The following USE1 variants were observed in gnomAD, a reference collection of about 807,000 sequenced individuals.
The protein encoded by USE1 is vesicle transport protein USE1.
Under a neutral mutation model 37.6 loss-of-function variants are expected in USE1, and 32 were observed. The ratio of observed to expected loss-of-function variants is 0.85; its 90% CI spans 0.64 to 1.14. The LOEUF (loss-of-function observed/expected upper bound fraction) is 1.14, where lower values mean the gene tolerates loss of function less well. Ranked by LOEUF, USE1 falls within the 50% of genes most tolerant of loss-of-function variation. The pLI is 0.00. For missense variants in USE1, 310 were observed against 332.2 expected, an observed-to-expected ratio of 0.93 and a Z score of 0.52; for synonymous variants, 149 against 137.6, an observed-to-expected ratio of 1.08 and a Z score of -0.58.
rs764471583 is a variant in USE1 at position 17,216,271 on chromosome 19, C to T, written c.334C>T (p.Gln112Ter). Residue 112 changes from glutamine to a stop codon, truncating the protein, a stop_gained, in exon 4 of 8, where the codon CAG becomes TAG. Transcript: ENST00000263897. LOFTEE classifies it high-confidence loss of function. The part of the protein sequence containing the change: ...RVPATKTVHL[Q>*]SRARYTSEMR... ...GCCCGCCACAAAGACGGTGCATCTG[C>T]AGTCACGGGCGCGGTACACCAGCGA... 2 of 1,613,126 alleles carry T rather than the reference C, an allele frequency of 1.2e-6. No individual in the cohort carries two copies. The highest frequency in any genetic ancestry group is 1.7e-5 in the Admixed American group (1 of 60,018).
At position 17,219,393 on chromosome 19, in the gene USE1, G is replaced by A. The variant is rs747247320; in HGVS notation, c.597+6G>A. On this transcript the variant is annotated splice_donor_region_variant and intron_variant, in intron 7 of 7. Coordinates refer to ENST00000263897, the MANE Select transcript of USE1 (RefSeq NM_018467.4). ...TCATCAAGAAGGACAACCAGGTGTG[G>A]GGACTGGGGGAGCTCTCCAGCCTCT... The A allele has an allele frequency of 1.9e-6, 3 of 1,550,520 alleles. No individual in the cohort carries two copies. Among genetic ancestry groups the A allele is most frequent in the Non-Finnish European group, 2.6e-6 (3 of 1,145,810 alleles).
Position 17,219,383 on chromosome 19 carries a change from A to T in USE1, c.593A>T (p.Asn198Ile), listed in dbSNP as rs1232843737. The T allele has an allele frequency of 6.4e-7, 1 of 1,554,994 alleles. No homozygotes were observed. Among genetic ancestry groups the T allele is most frequent in the Non-Finnish European group, 8.7e-7 (1 of 1,148,780 alleles). ...GCCCAGAGTGTCATCAAGAAGGACAACCAGGTGTGGGGACTGGGGGAGCTC... is the reference window on the plus strand; with the variant it reads ...GCCCAGAGTGTCATCAAGAAGGACATCCAGGTGTGGGGACTGGGGGAGCTC... ...LAAQSVIKKD[N>I]QTLSHSLKMA... Residue 198 changes from asparagine (N) to isoleucine (I), a missense_variant, in exon 7 of 8, where the codon AAC becomes ATC. Asn to Ile is a moderately radical substitution (Grantham distance 149). Transcript: ENST00000263897.
chr19:17,219,126 C>CAA (rs71180373), intron 6 of USE1, 87 bp from the exon 7 acceptor site: 5,979 of 1,313,192 alleles, frequency 4.6e-3, no homozygotes, highest in East Asian at 0.015. Flanking sequence ...GACTCTGTAT[C>CAA]AAAAAAAAAA....
At position 17,215,357 on chromosome 19, in the gene USE1, C is replaced by T. The variant is rs774603766; in HGVS notation, c.-49C>T. ...AAGGCCACTTGAAGGCACTTCCGCCCTCTCTTAACATGGAGCCGGCGGAAG... is the reference window on the plus strand; with the variant it reads ...AAGGCCACTTGAAGGCACTTCCGCCTTCTCTTAACATGGAGCCGGCGGAAG... On this transcript the variant is annotated 5_prime_UTR_variant, in exon 1 of 8. Coordinates refer to ENST00000263897, the MANE Select transcript of USE1 (RefSeq NM_018467.4). 6.6e-6 allele frequency: 10 copies of T among 1,525,514 alleles called. No homozygotes were observed. Among genetic ancestry groups the T allele is most frequent in the South Asian group, 3.6e-5 (3 of 83,072 alleles). The allele number at this position is 1,525,514 out of a possible 1,614,324, so 94.5% of individuals were successfully genotyped here. A position where few individuals can be genotyped will look rare whatever the true frequency, so the allele number is the denominator to read the frequency against.
chr19:17,216,938 A>ATCT (rs2073294258), intron 4 of USE1, among the ~76,000 whole-genome samples: 1 of 151,728 alleles, frequency 6.6e-6, no homozygotes, highest in Non-Finnish European at 1.5e-5. Flanking sequence ...AGATCAAGCC[A>ATCT]TTGCACTCCA....
At position 17,216,055 on chromosome 19, in the gene USE1, G is replaced by A. The variant is rs2073288034; in HGVS notation, c.216G>A (p.Leu72=). 5 of 1,612,098 alleles carry A rather than the reference G, an allele frequency of 3.1e-6. No homozygotes were observed. The highest frequency in any genetic ancestry group is 4.2e-6 in the Non-Finnish European group (5 of 1,179,116). Residue 72 remains leucine, a synonymous_variant, in exon 3 of 8, where the codon CTG becomes CTA. Coordinates refer to ENST00000263897, the MANE Select transcript of USE1 (RefSeq NM_018467.4). ...SWKVDFLKGM[L]QAEKLTSSSE... ...AGGTGGATTTTCTGAAGGGGATGCT[G>A]CAAGCCGAGAAGCTGGTGAGAAGGG...
chr19:17,218,485 C>T, intron 6 of USE1, 94 bp downstream of exon 6: 1 of 1,531,864 alleles, frequency 6.5e-7, no homozygotes, highest in Non-Finnish European at 8.9e-7. Flanking sequence ...CGAGGCACTA[C>T]CACAAGGATC....
In USE1 at chr19:17,217,184, A is replaced by G. The variant is rs1381540904; in HGVS notation, c.385-269A>G. ...GAGATTCGCTCTTGTTGCCCAGGCT[A>G]GAGTGTGGTGGCGCGATCTCGGCTC... On this transcript the variant is annotated intron_variant, in intron 4 of 7. Transcript: ENST00000263897. Among the ~76,000 whole-genome samples the G allele has an allele frequency of 2.0e-5, 3 of 147,226 alleles. No homozygotes were observed. The South Asian group carries it at 6.6e-4, about 32-fold the overall frequency.
intron 6 of USE1, 159 bp downstream of exon 6, chr19:17,218,550 G>A: frequency 2.3e-6 from 2 of 875,848 alleles, no homozygotes; most frequent in Non-Finnish European, 3.4e-6. Flanking sequence ...CAAAGGCCAG[G>A]CGCAGTGGCT....
intron 5 of USE1, 58 bp downstream of exon 5, chr19:17,217,520 A>C: frequency 3.1e-6 from 5 of 1,597,908 alleles, no homozygotes; most frequent in Non-Finnish European, 3.4e-6. Flanking sequence ...CAAGACATGT[A>C]TCCTTGCTGC....
intron 5 of USE1, 28 bp from the exon 6 acceptor site, chr19:17,218,336 T>C (rs2145546035): frequency 2.5e-6 from 4 of 1,612,896 alleles, no homozygotes; most frequent in African/African-American, 1.3e-5. Flanking sequence ...AACACTCGCC[T>C]TTTTTGCTTG....
At position 17,215,624 on chromosome 19, in the gene USE1, G is replaced by GGTCA. The variant is rs1227306477; in HGVS notation, c.102+121_102+124dup. The stretch of plus-strand genomic sequence containing the variant: ...TAGCCTCTCGGGCAGCGCCCTTTCC[G>GGTCA]GTCAGTCCCGCCACGTCCACCTGTA... On this transcript the variant is annotated intron_variant, in intron 1 of 7. Transcript: ENST00000263897. 11 of 1,382,330 alleles carry GGTCA rather than the reference G, an allele frequency of 8.0e-6. No homozygotes were observed. The African/African-American group carries it at 1.6e-4, about 20-fold the overall frequency. The allele number at this position is 1,382,330 out of a possible 1,614,324, so 85.6% of individuals were successfully genotyped here. A position where few individuals can be genotyped will look rare whatever the true frequency, so the allele number is the denominator to read the frequency against.
chr19:17,215,963 G>T (rs1192025811), intron 2 of USE1, 29 bp from the exon 3 acceptor site: 1 of 1,588,350 alleles, frequency 6.3e-7, no homozygotes, highest in South Asian at 1.1e-5. Flanking sequence ...CCATGGACAG[G>T]TTTTGTTTTT....
At chr19:17,215,689 T>G (rs1410170114) in intron 1 of USE1, 113 bp from the exon 2 acceptor site, 8 of 349,114 alleles carry the variant, frequency 2.3e-5, no homozygotes, top group Non-Finnish European at 2.2e-5. Context: ...CCTCCCCCAC[T>G]GGCCCCGCCT....
chr19:17,219,434 A>G, intron 7 of USE1, 47 bp downstream of exon 7: 7 of 1,518,244 alleles, frequency 4.6e-6, no homozygotes, highest in Non-Finnish European at 6.2e-6. Context: ...GGGGCATCAG[A>G]GAAGGCTTCC....
intron 5 of USE1, 51 bp downstream of exon 5, chr19:17,217,513 G>A (rs761101134): frequency 1.9e-6 from 3 of 1,604,610 alleles, no homozygotes; most frequent in Admixed American, 3.4e-5. Context: ...ACTAGGACAA[G>A]ACATGTATCC....
intron 1 of USE1, 88 bp downstream of exon 1, chr19:17,215,595 C>T: frequency 6.8e-7 from 1 of 1,470,014 alleles, no homozygotes; most frequent in Non-Finnish European, 9.2e-7. Context: ...CTCCCCGGCC[C>T]CAGTAGCCTC....
chr19:17,215,992 C>G lies in USE1; in HGVS notation c.153C>G (p.Ser51Arg). 1.9e-6 allele frequency: 3 copies of G among 1,602,976 alleles called. No homozygotes were observed. The highest frequency in any genetic ancestry group is 2.6e-6 in the Non-Finnish European group (3 of 1,174,740). Residue 51 changes from serine (S) to arginine (R), a missense_variant and splice_region_variant, in exon 3 of 8, where the codon AGC (serine) becomes AGG (arginine). Physicochemically the swap from Ser to Arg is moderately radical, Grantham distance 110 (BLOSUM62 -1). Transcript: ENST00000263897. ...DMLQALKVHA[S>R]KPASEVINEY... ...TGTTTTTCTTCTTCCTGCCTTCCAG[C>G]AAACCGGCCTCTGAGGTGATCAATG...
rs1239160781 is a variant in USE1 at position 17,219,206 on chromosome 19, A to T, written c.423-7A>T. The T allele has an allele frequency of 1.2e-6, 2 of 1,608,904 alleles. No homozygotes were observed. Among genetic ancestry groups the T allele is most frequent in the African/African-American group, 2.7e-5 (2 of 74,774 alleles). On this transcript the variant is annotated splice_polypyrimidine_tract_variant and splice_region_variant and intron_variant, in intron 6 of 7. Transcript: ENST00000263897. ...TCATGTCCTCCTCCCCCCGTGTGTG[A>T]AATCAGTGGAGTGGCAGGGTCCCAG...
Sources: allele counts gnomAD v4.1 joint callset (sites outside exome capture counted in the v4.1 genomes callset), GRCh38; gene constraint gnomAD v4.1.1; transcripts MANE v1.5; gene names NCBI Gene and HGNC (gene_info 2026-07-23, HGNC 2026-07-21).